Variants in KCNK2 observed in about 807,000 individuals in gnomAD.
KCNK2 encodes the protein potassium two pore domain channel subfamily K member 2.
Under a neutral mutation model 40.5 loss-of-function variants are expected in KCNK2, and 21 were observed. The observed-to-expected ratio is 0.52, with a 90% CI of 0.37 to 0.75. KCNK2 has a LOEUF of 0.75. KCNK2 is among the 30% of genes least tolerant of loss of function. KCNK2 has a pLI of 0.00. For missense variants in KCNK2, 399 were observed against 531.6 expected, an observed-to-expected ratio of 0.75 and a Z score of 2.45; for synonymous variants, 191 against 202.2, an observed-to-expected ratio of 0.94 and a Z score of 0.47.
chr1:215,044,852 G>C (rs1368897763), intron 1 of KCNK2, among the ~76,000 whole-genome samples: 1 of 150,274 alleles, frequency 6.7e-6, no homozygotes, highest in African/African-American at 2.4e-5. Flanking sequence ...TGTTGATGAC[G>C]AGTTGGCAAG....
Position 215,083,204 on chromosome 1 carries a change from GC to G in KCNK2, c.-177del. The G allele has an allele frequency of 1.5e-5, 4 of 273,550 alleles. No individual in the cohort carries two copies. The highest frequency in any genetic ancestry group is 4.8e-5 in the Admixed American group (1 of 20,862). 16.9% of individuals were successfully genotyped at this position (273,550 alleles called of 1,614,324 possible). A position where few individuals can be genotyped will look rare whatever the true frequency, so the allele number is the denominator to read the frequency against. ...CGTTTCTTCTCACGCTCCCCCCCCC[GC>G]CCCCTCCCGCGTCCAGCCCCGCTCT... On this transcript the variant is annotated 5_prime_UTR_variant, in exon 1 of 7. Transcript: ENST00000444842.
chr1:215,185,910 C>T, intron 5 of KCNK2, among the ~76,000 whole-genome samples: 1 of 152,116 alleles, frequency 6.6e-6, no homozygotes, highest in South Asian at 2.1e-4. Flanking sequence ...ATTCTTCAAA[C>T]TGTGGTGTTA....
At chr1:215,036,101 C>T (rs1222401100) in intron 1 of KCNK2, among the ~76,000 whole-genome samples, 1 of 150,324 alleles carries the variant, frequency 6.7e-6, no homozygotes, top group African/African-American at 2.4e-5. Context: ...AAAATCTTTG[C>T]CTACTTCAAT....
intron 6 of KCNK2, among the ~76,000 whole-genome samples, chr1:215,202,225 G>A (rs1665109652): frequency 6.6e-6 from 1 of 152,146 alleles, no homozygotes; most frequent in Non-Finnish European, 1.5e-5. Flanking sequence ...ATACACAAAA[G>A]ACCCGTCTTC....
upstream of KCNK2, among the ~76,000 whole-genome samples, chr1:215,080,000 C>T (rs1659090075): frequency 6.6e-6 from 1 of 152,106 alleles, no homozygotes; most frequent in South Asian, 2.1e-4. Flanking sequence ...CCCCAACCCC[C>T]AAGCACCCTA....
chr1:215,092,237 A>G (rs1659721605), intron 2 of KCNK2, among the ~76,000 whole-genome samples: 1 of 152,160 alleles, frequency 6.6e-6, no homozygotes, highest in Non-Finnish European at 1.5e-5. Flanking sequence ...GGTGCAGTGC[A>G]AGGGAGAGGA....
At chr1:215,092,874 TTATCGTG>T (rs1659750485) in intron 2 of KCNK2, among the ~76,000 whole-genome samples, 1 of 152,156 alleles carries the variant, frequency 6.6e-6, no homozygotes. Flanking sequence ...ATACTCTTGG[TTATCGTG>T]TCTCATGCCT....
chr1:215,131,333 T>C (rs1401387716), intron 3 of KCNK2, among the ~76,000 whole-genome samples: 1 of 146,220 alleles, frequency 6.8e-6, no homozygotes, highest in Non-Finnish European at 1.5e-5. Flanking sequence ...ATTTTTATAA[T>C]TATATAAATA....
intron 3 of KCNK2, among the ~76,000 whole-genome samples, chr1:215,131,555 T>C (rs1404789808): frequency 6.7e-6 from 1 of 148,218 alleles, no homozygotes; most frequent in East Asian, 1.9e-4. Flanking sequence ...GTTAATATAA[T>C]TTAATATAAT....
intron 3 of KCNK2, among the ~76,000 whole-genome samples, chr1:215,159,082 A>G (rs1312018517): frequency 6.6e-6 from 1 of 152,168 alleles, no homozygotes; most frequent in Non-Finnish European, 1.5e-5. Context: ...AATTACCTTC[A>G]TGCAAGCTTT....
chr1:215,009,264 AT>A (rs1477102969), intron 1 of KCNK2, among the ~76,000 whole-genome samples: 1 of 152,110 alleles, frequency 6.6e-6, no homozygotes, highest in Non-Finnish European at 1.5e-5. Flanking sequence ...CAGAACCACC[AT>A]TTTTATACTA....
intron 6 of KCNK2, among the ~76,000 whole-genome samples, chr1:215,216,670 T>C (rs1006216251): frequency 7.2e-6 from 1 of 138,064 alleles, no homozygotes; most frequent in East Asian, 2.1e-4. Flanking sequence ...TAATAATATA[T>C]TGTATTTAAC....
chr1:215,053,466 G>C (rs1465418169), intron 1 of KCNK2, among the ~76,000 whole-genome samples: 1 of 152,180 alleles, frequency 6.6e-6, no homozygotes, highest in African/African-American at 2.4e-5. Flanking sequence ...TAGGTGATAA[G>C]AGATAAAGTG....
chr1:215,089,406 G>T (rs1291403979), intron 2 of KCNK2, among the ~76,000 whole-genome samples: 2 of 152,150 alleles, frequency 1.3e-5, no homozygotes, highest in African/African-American at 4.8e-5. Flanking sequence ...TATGGAGAGT[G>T]AGGACAGAGG....
chr1:215,216,387 A>G (rs2102694682), intron 6 of KCNK2, among the ~76,000 whole-genome samples: 1 of 140,196 alleles, frequency 7.1e-6, no homozygotes, highest in South Asian at 2.3e-4. Context: ...TATATATTCT[A>G]TAGTGCATAT....
At chr1:215,230,509 A>ATATATATATATATATATATATATATATG (rs1666598664) in intron 6 of KCNK2, among the ~76,000 whole-genome samples, 3 of 37,566 alleles carry the variant, frequency 8.0e-5, no homozygotes, top group South Asian at 4.4e-3. Flanking sequence ...ACACGGCTGT[A>ATATATATATATATATATATATATATATG]TATATATATA....
At chr1:215,084,327 G>C (rs1208106906) in intron 1 of KCNK2, among the ~76,000 whole-genome samples, 1 of 152,114 alleles carries the variant, frequency 6.6e-6, no homozygotes, top group South Asian at 2.1e-4. Flanking sequence ...AACAGTCTTA[G>C]TGCTTTCTGG....
chr1:215,230,511 A>ATATATATATATATATATATATG (rs1371320070), intron 6 of KCNK2, among the ~76,000 whole-genome samples: 3 of 23,808 alleles, frequency 1.3e-4, no homozygotes, highest in East Asian at 4.3e-3. Flanking sequence ...ACGGCTGTAT[A>ATATATATATATATATATATATG]TATATATATA....
intron 2 of KCNK2, among the ~76,000 whole-genome samples, chr1:215,096,791 A>G (rs1558089534): frequency 6.6e-6 from 1 of 151,918 alleles, no homozygotes; most frequent in Non-Finnish European, 1.5e-5. Flanking sequence ...CTAGTAGAAA[A>G]CTTCCCTCTC....
Sources: allele counts gnomAD v4.1 joint callset (sites outside exome capture counted in the v4.1 genomes callset), GRCh38; gene constraint gnomAD v4.1.1; transcripts MANE v1.5; gene names NCBI Gene and HGNC (gene_info 2026-07-23, HGNC 2026-07-21).